Variants in SAMD12 observed in about 807,000 individuals in gnomAD.
SAMD12 encodes sterile alpha motif domain containing 12.
Under a neutral mutation model 15.0 loss-of-function variants are expected in SAMD12, and 9 were observed. That is an observed-to-expected ratio of 0.60 (90% CI 0.36 to 1.05). SAMD12 has a LOEUF of 1.05. SAMD12 is among the 50% of genes least tolerant of loss of function. The probability of loss-of-function intolerance (pLI) is 0.01; values close to 1 mark genes in which losing one functional copy is unlikely to be tolerated. For synonymous variants in SAMD12, 86 were observed against 90.1 expected, an observed-to-expected ratio of 0.96 and a Z score of 0.25; for missense variants, 230 against 234.2, an observed-to-expected ratio of 0.98 and a Z score of 0.12.
intron 3 of SAMD12, among the ~76,000 whole-genome samples, chr8:118,396,463 G>C (rs1182470707): frequency 6.6e-6 from 1 of 151,998 alleles, no homozygotes; most frequent in African/African-American, 2.4e-5. Flanking sequence ...TCTAAACTCT[G>C]GGCTCTCTAT....
chr8:118,260,525 C>T (rs1813052345), intron 4 of SAMD12, among the ~76,000 whole-genome samples: 1 of 152,026 alleles, frequency 6.6e-6, no homozygotes, highest in Admixed American at 6.6e-5. Flanking sequence ...TGGATTCTTC[C>T]CTTTGCTCTT....
intron 3 of SAMD12, among the ~76,000 whole-genome samples, chr8:118,406,715 C>T (rs184225776): frequency 4.8e-4 from 73 of 152,230 alleles, no homozygotes; most frequent in African/African-American, 1.7e-3. Context: ...CTGGCAACTA[C>T]CATTATACTT....
At chr8:118,594,066 A>C (rs956113630) in intron 1 of SAMD12, among the ~76,000 whole-genome samples, 2 of 152,214 alleles carry the variant, frequency 1.3e-5, no homozygotes, top group Non-Finnish European at 2.9e-5. Flanking sequence ...TCTTGTTATA[A>C]GCTTTTAGAG....
intron 2 of SAMD12, among the ~76,000 whole-genome samples, chr8:118,567,631 G>A (rs964095748): frequency 6.6e-6 from 1 of 152,188 alleles, no homozygotes; most frequent in African/African-American, 2.4e-5. Flanking sequence ...CTGCTATTGG[G>A]ATTTGGCTTC....
At chr8:118,426,783 C>T (rs2130860178) in intron 3 of SAMD12, among the ~76,000 whole-genome samples, 1 of 151,898 alleles carries the variant, frequency 6.6e-6, no homozygotes, top group East Asian at 1.9e-4. Context: ...TGTTTTTCTT[C>T]AAGCAAAAAT....
chr8:118,532,684 G>A (rs1182311326), intron 2 of SAMD12, among the ~76,000 whole-genome samples: 1 of 152,140 alleles, frequency 6.6e-6, no homozygotes, highest in African/African-American at 2.4e-5. Context: ...TATGTGTCCA[G>A]GAATTTATCA....
intron 3 of SAMD12, among the ~76,000 whole-genome samples, chr8:118,413,699 C>A (rs1013389383): frequency 2.0e-5 from 3 of 152,018 alleles, no homozygotes; most frequent in African/African-American, 7.3e-5. Flanking sequence ...TACTTCTCAC[C>A]CTTCATCCCA....
At chr8:118,179,812 G>A in the SAMD12 span, among the ~76,000 whole-genome samples, 2 of 152,086 alleles carry the variant, frequency 1.3e-5, no homozygotes, top group Admixed American at 1.3e-4. Context: ...AAAACTGTGG[G>A]TACTTATAAA....
Position 118,218,822 on chromosome 8 carries a change from G to T in SAMD12, c.434-21090C>A, listed in dbSNP as rs943320650. On this transcript the variant is annotated intron_variant, in intron 4 of 4. Coordinates refer to the SAMD12 transcript ENST00000409003. ...ATCTTGTCAGCCCACACTTTGAATA[G>T]TGTTCATCTAGTTGACCTTCATCTC... Among the ~76,000 whole-genome samples, 3 of 152,148 alleles carry T rather than the reference G, an allele frequency of 2.0e-5. No individual in the cohort carries two copies. In the South Asian group the frequency reaches 6.2e-4, roughly 32 times the overall value.
intron 3 of SAMD12, among the ~76,000 whole-genome samples, chr8:118,419,792 T>C (rs150044682): frequency 2.5e-4 from 38 of 152,302 alleles, no homozygotes; most frequent in African/African-American, 8.9e-4. Flanking sequence ...CCCCACTAGA[T>C]ACATGCTTCA....
At chr8:118,513,373 G>A (rs76991528) in intron 2 of SAMD12, among the ~76,000 whole-genome samples, 2,981 of 152,282 alleles carry the variant, frequency 0.02, 34 homozygotes, top group Middle Eastern at 0.034. Flanking sequence ...GAGGATGCAG[G>A]AAAAGCTGTG....
At chr8:118,228,847 T>C (rs574670464) in intron 4 of SAMD12, among the ~76,000 whole-genome samples, 9 of 152,222 alleles carry the variant, frequency 5.9e-5, no homozygotes, top group Non-Finnish European at 1.3e-4. Context: ...TGCATGTTTA[T>C]AGCAGCACAA....
At chr8:118,252,237 G>A (rs1403698513) in intron 4 of SAMD12, among the ~76,000 whole-genome samples, 1 of 152,188 alleles carries the variant, frequency 6.6e-6, no homozygotes, top group Non-Finnish European at 1.5e-5. Context: ...GAAGGCTGGG[G>A]AAAATGCAGA....
intron 3 of SAMD12, among the ~76,000 whole-genome samples, chr8:118,423,845 A>G (rs2130852974): frequency 6.6e-6 from 1 of 152,324 alleles, no homozygotes; most frequent in Non-Finnish European, 1.5e-5. Context: ...GATAAAATTA[A>G]ACAATATACG....
the SAMD12 span, among the ~76,000 whole-genome samples, chr8:118,177,032 AAGCCTAGGCATGG>A: frequency 6.6e-6 from 1 of 152,198 alleles, no homozygotes; most frequent in Non-Finnish European, 1.5e-5. Context: ...TGCAGTGCAT[AAGCCTAGGCATGG>A]AGAATAGTAA....
Position 118,381,799 on chromosome 8 carries a change from G to A in SAMD12, c.323-2099C>T, listed in dbSNP as rs531586828. On this transcript the variant is annotated intron_variant, in intron 3 of 3. Transcript: ENST00000314727. ...GATAAGTGTAAGACAATAAATTTGT[G>A]TTGTTTAAAGCCATGGGAGTTTGTG... is the stretch of plus-strand genomic sequence containing the variant. 9.6e-4 allele frequency among the ~76,000 whole-genome samples: 146 copies of A among 152,340 alleles called. 1 individual carries two copies. The highest frequency in any genetic ancestry group is 3.4e-3 in the African/African-American group (141 of 41,582).
chr8:118,211,317 G>A (rs537947831), intron 4 of SAMD12, among the ~76,000 whole-genome samples: 40 of 152,308 alleles, frequency 2.6e-4, no homozygotes, highest in African/African-American at 9.4e-4. Flanking sequence ...CACTCATTAT[G>A]GTAGGGGCAG....
chr8:118,510,242 G>A (rs1022343541), intron 2 of SAMD12, among the ~76,000 whole-genome samples: 3 of 151,334 alleles, frequency 2.0e-5, no homozygotes, highest in East Asian at 1.9e-4. Context: ...ACACAAACAC[G>A]CACACATGCA....
the SAMD12 span, among the ~76,000 whole-genome samples, chr8:118,151,448 T>C: frequency 6.6e-6 from 1 of 152,182 alleles, no homozygotes; most frequent in African/African-American, 2.4e-5. Flanking sequence ...GCTCTATTCA[T>C]TTTTAAATAA....
Sources: allele counts gnomAD v4.1 joint callset (sites outside exome capture counted in the v4.1 genomes callset), GRCh38; gene constraint gnomAD v4.1.1; transcripts MANE v1.5; gene names NCBI Gene and HGNC (gene_info 2026-07-23, HGNC 2026-07-21).